The following GTF3C2 variants were observed in gnomAD, a reference collection of about 807,000 sequenced individuals.
GTF3C2 encodes the protein general transcription factor IIIC subunit 2.
Under a neutral mutation model 117.4 loss-of-function variants are expected in GTF3C2, and 17 were observed. The observed-to-expected ratio is 0.14, with a 90% CI of 0.10 to 0.22. The LOEUF (loss-of-function observed/expected upper bound fraction) is 0.22, where lower values mean the gene tolerates loss of function less well. GTF3C2 is among the 10% of genes least tolerant of loss of function. GTF3C2 has a pLI of 1.00. For synonymous variants in GTF3C2, 437 were observed against 427.0 expected (o/e 1.02, Z -0.29); for missense variants, 888 against 1,143.6 (o/e 0.78, Z 3.22).
chr2:27,326,963 GAAC>G, intron 18 of GTF3C2, 70 bp from the exon 19 acceptor site: 1 of 912,464 alleles, frequency 1.1e-6, no homozygotes, highest in South Asian at 1.7e-5. Context: ...CTAGCTGTAT[GAAC>G]AAAAAAAAAA....
intron 1 of GTF3C2, among the ~76,000 whole-genome samples, chr2:27,349,194 C>T (rs1033676719): frequency 7.3e-6 from 1 of 136,712 alleles, no homozygotes; most frequent in African/African-American, 2.8e-5. Context: ...GTTGCCCAGG[C>T]TGCAGTGCAG....
intron 1 of GTF3C2, among the ~76,000 whole-genome samples, chr2:27,353,492 G>C (rs1450114723): frequency 2.6e-5 from 4 of 151,876 alleles, no homozygotes; most frequent in Admixed American, 6.6e-5. Flanking sequence ...AGGCTGGAGC[G>C]CAGGGGCATG....
In GTF3C2 at chr2:27,333,778, A is replaced by T. The variant is rs1307768958; in HGVS notation, c.1609T>A (p.Cys537Ser). 1 of 1,603,292 alleles carries T rather than the reference A, an allele frequency of 6.2e-7. No homozygotes were observed. Among genetic ancestry groups the T allele is most frequent in the Non-Finnish European group, 8.5e-7 (1 of 1,175,112 alleles). The change falls in exon 12 of 19, where the codon TGT becomes AGT. Residue 537 changes from cysteine to serine, a missense_variant. Around this residue, in one of 7 missense-constraint regions of GTF3C2, gnomAD observed 277 missense variants for 445.4 expected, o/e 0.62. Coordinates refer to ENST00000264720, the Ensembl canonical transcript of GTF3C2. ...GACCCCACCTGCAGAGTTGCCACAC[A>T]TTGTACCTGCAGGGAAAGAAGAGAT...
chr2:27,343,899 A>T (rs1036210907), intron 1 of GTF3C2, among the ~76,000 whole-genome samples: 4 of 152,166 alleles, frequency 2.6e-5, no homozygotes, highest in Admixed American at 2.0e-4. Flanking sequence ...AAAATAAAAT[A>T]AAAAAATTAA....
At position 27,354,119 on chromosome 2, in the gene GTF3C2, A is replaced by T. The variant is rs546650648; in HGVS notation, c.-25+2620T>A. ...AACAAAATCCTGTCTCAACAACAAC[A>T]ACAAAAATGTTTAATTAGCTGGGTG... is the stretch of plus-strand genomic sequence containing the variant. On this transcript the variant is annotated intron_variant, in intron 1 of 18. Transcript: ENST00000264720. Among the ~76,000 whole-genome samples, 10 of 151,672 alleles carry T rather than the reference A, an allele frequency of 6.6e-5. No homozygotes were observed. The South Asian group carries it at 2.1e-3, about 32-fold the overall frequency.
In GTF3C2 at chr2:27,329,272, C is replaced by T. The variant is rs1680198722; in HGVS notation, c.1888G>A (p.Val630Ile). 2 of 1,614,144 alleles carry T rather than the reference C, an allele frequency of 1.2e-6. No homozygotes were observed. The highest frequency in any genetic ancestry group is 1.7e-6 in the Non-Finnish European group (2 of 1,180,028). ...ATTTTCCGGTCACTCCCCGCAGAGA[C>T]AAGGAAATGGCTGTAAAAAGACGGG... The change falls in exon 14 of 19, where the codon GTC (valine) becomes ATC (isoleucine). Residue 630 changes from valine to isoleucine, a missense_variant. By Grantham distance (29) the Val-to-Ile change is conservative. This residue lies in a region of GTF3C2 where 277 missense variants were observed against 445.4 expected (regional missense o/e 0.62). Coordinates refer to ENST00000264720, the Ensembl canonical transcript of GTF3C2. This position sits in a 1 kb window ranked among gnomAD's most constrained non-coding sequence, Gnocchi z 4.5.
intron 1 of GTF3C2, among the ~76,000 whole-genome samples, chr2:27,350,948 C>CAAA (rs1179397836): frequency 3.1e-5 from 3 of 97,366 alleles, no homozygotes; most frequent in East Asian, 2.8e-4. Context: ...GACTCCATCT[C>CAAA]AAAAAAAAAA....
chr2:27,337,188 T>C, intron 7 of GTF3C2, 56 bp downstream of exon 7: 2 of 1,026,852 alleles, frequency 1.9e-6, no homozygotes, highest in Admixed American at 2.1e-5. Context: ...TCAACATTCA[T>C]TTTTCTTGTT....
At chr2:27,348,677 G>A (rs1681006374) in intron 1 of GTF3C2, among the ~76,000 whole-genome samples, 1 of 150,542 alleles carries the variant, frequency 6.6e-6, no homozygotes. Context: ...GGTGGCACAA[G>A]CCTGTGATCC....
intron 1 of GTF3C2, among the ~76,000 whole-genome samples, chr2:27,349,579 GT>G (rs1681052309): frequency 6.6e-6 from 1 of 151,902 alleles, no homozygotes; most frequent in Non-Finnish European, 1.5e-5. Context: ...CAAAGGAGGA[GT>G]TTTGATGACA....
intron 18 of GTF3C2, 48 bp downstream of exon 18, chr2:27,327,129 A>C: frequency 9.6e-7 from 1 of 1,044,600 alleles, no homozygotes; most frequent in Non-Finnish European, 1.5e-6. Context: ...CCCCAGGCCC[A>C]GAACTGGGGG....
At chr2:27,345,040 T>G (rs1680869693) in intron 1 of GTF3C2, among the ~76,000 whole-genome samples, 1 of 151,808 alleles carries the variant, frequency 6.6e-6, no homozygotes. Context: ...TTCCAGCACT[T>G]TGAGAGGACA....
chr2:27,326,773 C>T, exon 19 of GTF3C2: 1 of 1,614,032 alleles, frequency 6.2e-7, no homozygotes, highest in Non-Finnish European at 8.5e-7. Flanking sequence ...GCTCGGCTTT[C>T]AAGCTGCATA....
chr2:27,341,311 C>A (rs1160195103), intron 4 of GTF3C2: 1 of 152,536 alleles, frequency 6.6e-6, no homozygotes, highest in Non-Finnish European at 1.5e-5. Context: ...GCTGGGATTA[C>A]AGGCATAAGC....
chr2:27,343,454 A>G (rs747787178), exon 2 of GTF3C2: 1 of 1,614,138 alleles, frequency 6.2e-7, no homozygotes, highest in Non-Finnish European at 8.5e-7. Context: ...CTTGACATCA[A>G]GCTGATTTAG....
rs540058222 is a variant in GTF3C2 at position 27,328,527 on chromosome 2, T to C, written c.2197A>G (p.Ile733Val). Residue 733 changes from isoleucine to valine, a missense_variant, in exon 16 of 19, where the codon ATA becomes GTA. By Grantham distance (29) the Ile-to-Val change is conservative (BLOSUM62 3). Transcript: ENST00000264720. ...GGATTCAGTGCCATATCTGGTAATA[T>C]AGCAGCAATGAGCTCCCCGGATATA... The C allele has an allele frequency of 1.7e-5, 27 of 1,612,162 alleles. No homozygotes were observed. The East Asian group carries it at 4.2e-4, about 25-fold the overall frequency.
chr2:27,329,358 C>T lies in GTF3C2; in HGVS notation c.1877+21G>A. The T allele has an allele frequency of 6.2e-7, 1 of 1,614,074 alleles. No homozygotes were observed. Among genetic ancestry groups the T allele is most frequent in the Middle Eastern group, 1.6e-4 (1 of 6,062 alleles). The stretch of plus-strand genomic sequence containing the variant: ...TGTCCCAGTCTTCACCTTCCCCCTC[C>T]ACATACCTCCTATTCCATACCTGTT... On this transcript the variant is annotated intron_variant, in intron 13 of 18. Coordinates refer to ENST00000264720, the Ensembl canonical transcript of GTF3C2. The surrounding 1 kb of genome is among the most constrained non-coding windows in gnomAD (Gnocchi z 4.5).
chr2:27,331,962 A>AT (rs1680285854), intron 12 of GTF3C2, among the ~76,000 whole-genome samples: 1 of 152,124 alleles, frequency 6.6e-6, no homozygotes, highest in South Asian at 2.1e-4. Context: ...ACAAAACCTA[A>AT]TAACTCCAAC....
Position 27,329,838 on chromosome 2 carries a change from A to G in GTF3C2, c.1733-315T>C, listed in dbSNP as rs1680218503. Reference sequence around the variant, plus strand: ...CTCTACTCCCTATAAATAAACGTCAAGGGACTTTTAAAAAGCATAGGTGGG... The same window carrying G: ...CTCTACTCCCTATAAATAAACGTCAGGGGACTTTTAAAAAGCATAGGTGGG... On this transcript the variant is annotated intron_variant, in intron 12 of 18. Transcript: ENST00000264720. This position sits in a 1 kb window ranked among gnomAD's most constrained non-coding sequence, Gnocchi z 4.5. Among the ~76,000 whole-genome samples, 1 of 152,188 alleles carries G rather than the reference A, an allele frequency of 6.6e-6. No individual in the cohort carries two copies. The highest frequency in any genetic ancestry group is 1.5e-5 in the Non-Finnish European group (1 of 68,012).
Sources: allele counts gnomAD v4.1 joint callset (sites outside exome capture counted in the v4.1 genomes callset), GRCh38; gene constraint gnomAD v4.1.1; regional missense constraint gnomAD v4.1.1; non-coding constraint Gnocchi (gnomAD v3.1); transcripts MANE v1.5; gene names NCBI Gene and HGNC (gene_info 2026-07-23, HGNC 2026-07-21).